Variants in SH3PXD2A observed in about 807,000 individuals in gnomAD.
SH3PXD2A encodes SH3 and PX domains 2A.
SH3PXD2A carries 32 observed loss-of-function variants against 115.2 expected under a neutral mutation model. That is an observed-to-expected ratio of 0.28 (90% CI 0.21 to 0.37). The LOEUF (loss-of-function observed/expected upper bound fraction) is 0.37. SH3PXD2A is among the 10% of genes least tolerant of loss of function. SH3PXD2A has a pLI of 1.00. For synonymous variants in SH3PXD2A, 610 were observed against 629.1 expected (o/e 0.97, Z 0.45); for missense variants, 1,328 against 1,498.7 (o/e 0.89, Z 1.88).
chr10:103,604,707 GAGAA>G (rs2036274117), intron 14 of SH3PXD2A, among the ~76,000 whole-genome samples: 2 of 152,212 alleles, frequency 1.3e-5, no homozygotes, highest in African/African-American at 4.8e-5. Context: ...CCCACTAGAA[GAGAA>G]AGATTTTCTC....
intron 3 of SH3PXD2A, among the ~76,000 whole-genome samples, 187 bp downstream of exon 3, chr10:103,766,907 G>A (rs1193299355): frequency 6.6e-6 from 1 of 152,258 alleles, no homozygotes; most frequent in Non-Finnish European, 1.5e-5. Flanking sequence ...AATGGTGAGA[G>A]AAGCCACTTG....
At chr10:103,776,253 T>C (rs2038876706) in intron 2 of SH3PXD2A, among the ~76,000 whole-genome samples, 1 of 152,006 alleles carries the variant, frequency 6.6e-6, no homozygotes, top group South Asian at 2.1e-4. Context: ...ATTAGCTGGG[T>C]GTGGTGCTGT....
intron 1 of SH3PXD2A, among the ~76,000 whole-genome samples, chr10:103,804,314 C>CTT (rs58737094): frequency 0.014 from 842 of 59,610 alleles, 3 homozygotes; most frequent in Non-Finnish European, 0.015. Context: ...TTGACATCAT[C>CTT]TTTTTTTTTT....
At chr10:103,815,987 CA>C (rs534613983) in intron 1 of SH3PXD2A, among the ~76,000 whole-genome samples, 59 of 151,950 alleles carry the variant, frequency 3.9e-4, no homozygotes, top group Admixed American at 7.2e-4. Flanking sequence ...AGGGTGGTGA[CA>C]GGGGTGAGGA....
At chr10:103,796,444 C>T (rs973241003) in intron 2 of SH3PXD2A, among the ~76,000 whole-genome samples, 1 of 151,642 alleles carries the variant, frequency 6.6e-6, no homozygotes, top group African/African-American at 2.4e-5. Flanking sequence ...TTCCCTCTCC[C>T]AAGAATGCTC....
Position 103,848,315 on chromosome 10 carries a change from G to T in SH3PXD2A, c.72+6880C>A, listed in dbSNP as rs1019770817. 7.2e-5 allele frequency among the ~76,000 whole-genome samples: 11 copies of T among 152,170 alleles called. 1 individual carries two copies. Among genetic ancestry groups the T allele is most frequent in the African/African-American group, 1.9e-4 (8 of 41,516 alleles). On this transcript the variant is annotated intron_variant, in intron 1 of 14. Transcript: ENST00000369774. ...GGAGTGAGAGCTGTAAACAGGAGGG[G>T]TGGGACCCAGCTGGCCAACTAAAGA... is the stretch of plus-strand genomic sequence containing the variant.
At chr10:103,757,039 GGAGTAT>G (rs1411360176) in intron 3 of SH3PXD2A, among the ~76,000 whole-genome samples, 1 of 152,212 alleles carries the variant, frequency 6.6e-6, no homozygotes, top group African/African-American at 2.4e-5. Context: ...CATCTACGCT[GGAGTAT>G]GAGTTGGCTG....
intron 8 of SH3PXD2A, among the ~76,000 whole-genome samples, chr10:103,652,243 G>A (rs1020745001): frequency 2.3e-4 from 35 of 152,238 alleles, no homozygotes; most frequent in African/African-American, 7.0e-4. Context: ...AAATGAACTC[G>A]GGGGTTCTAT....
At chr10:103,646,562 G>A (rs1457264475) in intron 8 of SH3PXD2A, among the ~76,000 whole-genome samples, 2 of 152,128 alleles carry the variant, frequency 1.3e-5, no homozygotes, top group Non-Finnish European at 2.9e-5. Context: ...ACCCACAGGG[G>A]AGAGGCCTGC....
At chr10:103,605,555 T>C (rs140362728) in intron 14 of SH3PXD2A, among the ~76,000 whole-genome samples, 281 of 152,320 alleles carry the variant, frequency 1.8e-3, no homozygotes, top group Non-Finnish European at 3.5e-3. Context: ...CTCCTGCACA[T>C]GCTCTGGGAA....
chr10:103,815,457 T>C (rs1366415650), intron 1 of SH3PXD2A, among the ~76,000 whole-genome samples: 1 of 148,326 alleles, frequency 6.7e-6, no homozygotes, highest in African/African-American at 2.4e-5. Context: ...GTATAATATA[T>C]ATACTATATA....
At chr10:103,661,537 G>C (rs1335946438) in intron 7 of SH3PXD2A, 1 of 531,388 alleles carries the variant, frequency 1.9e-6, no homozygotes, top group Non-Finnish European at 2.4e-6. Flanking sequence ...GCATCGGGGA[G>C]GGCGGCGAGC....
intron 1 of SH3PXD2A, among the ~76,000 whole-genome samples, chr10:103,820,694 G>C (rs2039370684): frequency 6.6e-6 from 1 of 151,672 alleles, no homozygotes. Flanking sequence ...ATAGATTCCA[G>C]CCCTCCCAGG....
At chr10:103,680,883 G>A (rs1191198731) in intron 6 of SH3PXD2A, among the ~76,000 whole-genome samples, 1 of 152,092 alleles carries the variant, frequency 6.6e-6, no homozygotes, top group Non-Finnish European at 1.5e-5. Flanking sequence ...CCACTTTTCT[G>A]TTTCTAAAAG....
chr10:103,719,421 C>T (rs2038150492), intron 5 of SH3PXD2A, among the ~76,000 whole-genome samples: 1 of 152,230 alleles, frequency 6.6e-6, no homozygotes, highest in East Asian at 1.9e-4. Flanking sequence ...CCTGAGCCTT[C>T]AGCTCCTTGG....
At position 103,804,482 on chromosome 10, in the gene SH3PXD2A, C is replaced by T. The variant is rs143785801; in HGVS notation, c.73-3120G>A. On this transcript the variant is annotated intron_variant, in intron 1 of 14. Transcript: ENST00000369774. ...GACTGCAGGCACCCGCCACCACGCC[C>T]GGCTAATTTTTTGTATGTTTTAGTA... Among the ~76,000 whole-genome samples the T allele has an allele frequency of 1.6e-3, 242 of 151,776 alleles. 1 individual carries two copies. The highest frequency in any genetic ancestry group is 5.4e-3 in the African/African-American group (223 of 41,346).
At chr10:103,671,072 G>T (rs1316083038) in intron 6 of SH3PXD2A, among the ~76,000 whole-genome samples, 1 of 152,184 alleles carries the variant, frequency 6.6e-6, no homozygotes, top group Non-Finnish European at 1.5e-5. Flanking sequence ...TGTCTACTTT[G>T]GGTTCCTTTT....
At chr10:103,821,507 G>T (rs725076) in intron 1 of SH3PXD2A, among the ~76,000 whole-genome samples, 118,132 of 151,844 alleles carry the variant, frequency 0.78, 46,097 homozygotes, top group Middle Eastern at 0.83. Flanking sequence ...TCCCCACCTT[G>T]ACAATCTCCA....
chr10:103,615,709 G>A (rs573534021), intron 11 of SH3PXD2A, among the ~76,000 whole-genome samples: 12 of 152,022 alleles, frequency 7.9e-5, no homozygotes, highest in East Asian at 7.7e-4. Context: ...GGATAGGAGC[G>A]GACTAGAAGC....
Sources: allele counts gnomAD v4.1 joint callset (sites outside exome capture counted in the v4.1 genomes callset), GRCh38; gene constraint gnomAD v4.1.1; transcripts MANE v1.5; gene names NCBI Gene and HGNC (gene_info 2026-07-23, HGNC 2026-07-21).